L3MBTL4: variants seen among roughly 807,000 people sequenced by gnomAD.
L3MBTL4 encodes lethal(3)malignant brain tumor-like protein 4.
In L3MBTL4, 70 loss-of-function variants were observed where a neutral mutation model predicts 84.5. That is an observed-to-expected ratio of 0.83 (90% CI 0.68 to 1.01). The LOEUF (loss-of-function observed/expected upper bound fraction) is 1.01. Ranked by LOEUF, L3MBTL4 falls within the 50% of genes least tolerant of loss-of-function variation. L3MBTL4 has a pLI of 0.00. For synonymous variants in L3MBTL4, 274 were observed against 259.8 expected (o/e 1.05, Z -0.52); for missense variants, 715 against 754.8 (o/e 0.95, Z 0.62).
intron 14 of L3MBTL4, among the ~76,000 whole-genome samples, chr18:6,132,136 T>C (rs532712076): frequency 6.6e-5 from 10 of 152,338 alleles, no homozygotes; most frequent in Middle Eastern, 6.8e-3. Context: ...CAAGGAATTT[T>C]GAATTCCTTG....
At chr18:6,237,717 A>C (rs555234126) in intron 10 of L3MBTL4, among the ~76,000 whole-genome samples, 3 of 152,078 alleles carry the variant, frequency 2.0e-5, no homozygotes, top group Admixed American at 2.0e-4. Flanking sequence ...TGGCCTCCCA[A>C]AGTGCTAGGA....
At chr18:6,221,056 G>C (rs991866040) in intron 10 of L3MBTL4, among the ~76,000 whole-genome samples, 1 of 152,154 alleles carries the variant, frequency 6.6e-6, no homozygotes, top group Non-Finnish European at 1.5e-5. Flanking sequence ...GGCCATGTAA[G>C]AAGGTGTAAT....
At chr18:6,049,240 C>A (rs907518100) in intron 16 of L3MBTL4, among the ~76,000 whole-genome samples, 2 of 152,152 alleles carry the variant, frequency 1.3e-5, no homozygotes, top group Non-Finnish European at 2.9e-5. Flanking sequence ...AAAACAAAAT[C>A]TGACAAGTGG....
At chr18:6,101,523 T>C (rs1029051882) in intron 14 of L3MBTL4, among the ~76,000 whole-genome samples, 37 of 152,148 alleles carry the variant, frequency 2.4e-4, no homozygotes, top group African/African-American at 8.9e-4. Context: ...TCTACTTAAC[T>C]AAAGCACCCA....
At chr18:6,134,179 G>A (rs1182093577) in intron 14 of L3MBTL4, among the ~76,000 whole-genome samples, 1 of 152,140 alleles carries the variant, frequency 6.6e-6, no homozygotes, top group African/African-American at 2.4e-5. Flanking sequence ...CAGATATCGT[G>A]AGACTTGTTC....
At chr18:5,957,959 C>CA (rs35012817) in intron 18 of L3MBTL4, among the ~76,000 whole-genome samples, 50 of 122,890 alleles carry the variant, frequency 4.1e-4, no homozygotes, top group East Asian at 9.3e-4. Context: ...GACTCCACCT[C>CA]AAAAAAAAAA....
At chr18:6,334,335 G>T (rs752232384) in intron 1 of L3MBTL4, among the ~76,000 whole-genome samples, 1 of 152,094 alleles carries the variant, frequency 6.6e-6, no homozygotes, top group Non-Finnish European at 1.5e-5. Flanking sequence ...CTTAAGAAAT[G>T]ATTCAACATT....
At chr18:6,241,976 C>A (rs2047469779) in intron 7 of L3MBTL4, among the ~76,000 whole-genome samples, 1 of 152,214 alleles carries the variant, frequency 6.6e-6, no homozygotes, top group South Asian at 2.1e-4. Flanking sequence ...ACAGCTCCAG[C>A]TTTCTGCGCC....
chr18:6,071,758 AAAAAAAGAAAGAAAGAAAGAAAG>A (rs1221663564), intron 16 of L3MBTL4, among the ~76,000 whole-genome samples: 8,243 of 140,174 alleles, frequency 0.059, 1,052 homozygotes, highest in East Asian at 0.57. Context: ...AGAAAGAAAG[AAAAAAAGAAAGAAAGAAAGAAAG>A]AAAGAAAGAA....
chr18:5,978,006 T>C (rs1263184270), intron 16 of L3MBTL4, among the ~76,000 whole-genome samples: 1 of 152,202 alleles, frequency 6.6e-6, no homozygotes, highest in Non-Finnish European at 1.5e-5. Flanking sequence ...CAGAGCTGCA[T>C]GGCAGAGCGT....
intron 16 of L3MBTL4, chr18:6,046,640 C>A (rs533842625): frequency 1.5e-6 from 1 of 669,800 alleles, no homozygotes; most frequent in Non-Finnish European, 2.7e-6. Flanking sequence ...AGAAAACTTG[C>A]ACCTGAATGA....
chr18:5,968,263 T>G (rs1360507209), intron 17 of L3MBTL4, among the ~76,000 whole-genome samples: 3 of 152,228 alleles, frequency 2.0e-5, no homozygotes, highest in Admixed American at 2.0e-4. Context: ...ACAGTTTCTC[T>G]AAGGCCTGAC....
chr18:6,260,287 A>G (rs1472928236), intron 5 of L3MBTL4: 1 of 152,146 alleles, frequency 6.6e-6, no homozygotes, highest in East Asian at 1.9e-4. Flanking sequence ...TTCCTTGTGA[A>G]TTTTAGAGTA....
chr18:6,013,047 G>A (rs900936283), intron 16 of L3MBTL4, among the ~76,000 whole-genome samples: 1 of 152,116 alleles, frequency 6.6e-6, no homozygotes, highest in African/African-American at 2.4e-5. Flanking sequence ...GGAGCAGTGT[G>A]ACCAAGTGGT....
At chr18:6,089,118 C>G (rs1376011461) in intron 15 of L3MBTL4, among the ~76,000 whole-genome samples, 2 of 151,898 alleles carry the variant, frequency 1.3e-5, no homozygotes, top group East Asian at 3.9e-4. Context: ...TAAAAAAATG[C>G]CTGAAAAAAA....
intron 1 of L3MBTL4, among the ~76,000 whole-genome samples, chr18:6,319,554 A>G (rs2051296376): frequency 6.6e-6 from 1 of 152,134 alleles, no homozygotes; most frequent in Non-Finnish European, 1.5e-5. Flanking sequence ...ATTCCTAGAA[A>G]CATACACCCC....
At chr18:6,368,753 G>C (rs9946937) in intron 1 of L3MBTL4, among the ~76,000 whole-genome samples, 1 of 151,988 alleles carries the variant, frequency 6.6e-6, no homozygotes, top group Non-Finnish European at 1.5e-5. Context: ...AAAAGTCAAC[G>C]TCTGGAGGCT....
chr18:6,391,119 T>C (rs894044384), intron 1 of L3MBTL4, among the ~76,000 whole-genome samples: 2 of 152,004 alleles, frequency 1.3e-5, no homozygotes, highest in Non-Finnish European at 2.9e-5. Context: ...CAACAGCACA[T>C]CAAAAGATAA....
At chr18:6,354,243 A>T (rs751716526) in intron 1 of L3MBTL4, among the ~76,000 whole-genome samples, 1 of 152,204 alleles carries the variant, frequency 6.6e-6, no homozygotes, top group African/African-American at 2.4e-5. Flanking sequence ...CAGAAGAATG[A>T]AACTAGACCC....
Sources: gnomAD v4.1 joint callset for allele counts (sites outside exome capture counted in the v4.1 genomes callset) on GRCh38, gnomAD v4.1.1 for gene constraint, MANE v1.5 for transcripts, NCBI Gene and HGNC (gene_info 2026-07-23, HGNC 2026-07-21) for gene names.